The following PHACTR2 variants were observed in gnomAD, a reference collection of about 807,000 sequenced individuals.
The protein encoded by PHACTR2 is chromosome 6 open reading frame 56.
A neutral mutation model predicts 76.0 loss-of-function variants in PHACTR2; 30 were observed. The ratio of observed to expected loss-of-function variants is 0.39; its 90% CI spans 0.30 to 0.54. PHACTR2 has a LOEUF of 0.54. PHACTR2 is among the 20% of genes least tolerant of loss of function. PHACTR2 has a pLI of 0.61. For synonymous variants in PHACTR2, 292 were observed against 292.5 expected (o/e 1.00, Z 0.02); for missense variants, 696 against 781.1 (o/e 0.89, Z 1.30).
chr6:143,727,842 C>T (rs183333969), intron 2 of PHACTR2, among the ~76,000 whole-genome samples: 23 of 152,276 alleles, frequency 1.5e-4, no homozygotes, highest in Non-Finnish European at 2.9e-4. Flanking sequence ...GTACATACCT[C>T]AACATATTAA....
Position 143,772,527 on chromosome 6 carries a change from T to A in PHACTR2, c.1432+70T>A. On this transcript the variant is annotated intron_variant, in intron 7 of 12. Coordinates refer to ENST00000440869, the MANE Select transcript of PHACTR2 (RefSeq NM_001100164.2). This position sits in a 1 kb window ranked among gnomAD's most constrained non-coding sequence, Gnocchi z 5.4. The stretch of plus-strand genomic sequence containing the variant: ...AGAAGCAGCTGCAGTTTATAAAGAA[T>A]AAAAGCCTCATTAGGAACCAGACAT... The A allele has an allele frequency of 8.9e-7, 1 of 1,119,026 alleles. No individual in the cohort carries two copies. Among genetic ancestry groups the A allele is most frequent in the Non-Finnish European group, 1.3e-6 (1 of 756,266 alleles). 69.3% of individuals were successfully genotyped at this position (1,119,026 alleles called of 1,614,324 possible).
At chr6:143,711,068 A>C in intron 1 of PHACTR2, 1 of 517,238 alleles carries the variant, frequency 1.9e-6, no homozygotes, top group Non-Finnish European at 3.9e-6. Context: ...AATGCAAAAA[A>C]TTGTAAATAC....
intron 1 of PHACTR2, among the ~76,000 whole-genome samples, chr6:143,576,671 G>C (rs1775516872): frequency 6.6e-6 from 1 of 152,068 alleles, no homozygotes; most frequent in Non-Finnish European, 1.5e-5. Flanking sequence ...GAGGTCAGGA[G>C]TTCGAGACCA....
intron 1 of PHACTR2, among the ~76,000 whole-genome samples, chr6:143,642,090 A>G (rs533388806): frequency 1.3e-5 from 2 of 152,306 alleles, no homozygotes; most frequent in East Asian, 1.9e-4. Context: ...TGTCCTTTCC[A>G]TTCCACATAC....
At chr6:143,756,929 C>T (rs1779314842) in intron 4 of PHACTR2, among the ~76,000 whole-genome samples, 1 of 151,950 alleles carries the variant, frequency 6.6e-6, no homozygotes, top group Non-Finnish European at 1.5e-5. Flanking sequence ...CACCTGTAAT[C>T]CCAGCTACTG....
chr6:143,788,938 A>C lies in PHACTR2; in HGVS notation c.1845+28A>C, dbSNP rs200107610. On this transcript the variant is annotated intron_variant, in intron 11 of 12. Transcript: ENST00000440869. ...AAGAATCCCAGTGGATTTTGTGTTG[A>C]TTGTATTGCTTTTCTGGAAGCTCCA... is the stretch of plus-strand genomic sequence containing the variant. The C allele has an allele frequency of 1.7e-4, 263 of 1,589,340 alleles. 1 individual carries two copies. The African/African-American group carries it at 3.3e-3, about 20-fold the overall frequency.
rs963595683 is a variant in PHACTR2 at position 143,554,535 on chromosome 6, T to A, written c.217+17328T>A. ...GATGGAAAATTACTAAAAGGAAACGTCAGCGTTAGAGCAGTCTTGCTGAAG... is the reference window on the plus strand; with the variant it reads ...GATGGAAAATTACTAAAAGGAAACGACAGCGTTAGAGCAGTCTTGCTGAAG... On this transcript the variant is annotated intron_variant, in intron 1 of 11. Transcript: ENST00000367584. The surrounding 1 kb of genome is among the most constrained non-coding windows in gnomAD (Gnocchi z 5.9). 2.0e-5 allele frequency: 3 copies of A among 152,176 alleles called. No individual in the cohort carries two copies. The highest frequency in any genetic ancestry group is 2.9e-5 in the Non-Finnish European group (2 of 68,020). The allele number at this position is 152,176 out of a possible 1,614,324, so 9.4% of individuals were successfully genotyped here.
In PHACTR2 at chr6:143,610,736, A is replaced by G. The variant is rs1221696185; in HGVS notation, c.13+2414A>G. On this transcript the variant is annotated intron_variant, in intron 1 of 11. Transcript: ENST00000305766. This position sits in a 1 kb window ranked among gnomAD's most constrained non-coding sequence, Gnocchi z 4.9. ...ATCTGTCCTTTCTCTCCTTAGCAGC[A>G]AAGAGCTGACATTCCTACTATCTCA... Among the ~76,000 whole-genome samples, 1 of 152,186 alleles carries G rather than the reference A, an allele frequency of 6.6e-6. No homozygotes were observed. Among genetic ancestry groups the G allele is most frequent in the East Asian group, 1.9e-4 (1 of 5,194 alleles).
At position 143,777,640 on chromosome 6, in the gene PHACTR2, A is replaced by G. The variant is rs537586647; in HGVS notation, c.1645+257A>G. On this transcript the variant is annotated intron_variant, in intron 9 of 12. Coordinates refer to ENST00000440869, the MANE Select transcript of PHACTR2 (RefSeq NM_001100164.2). This position sits in a 1 kb window ranked among gnomAD's most constrained non-coding sequence, Gnocchi z 4.6. ...TGGTCATGACAATTGTGTTTAAGAA[A>G]GATGAAATATATTCCATGTATTCTT... Among the ~76,000 whole-genome samples, 1 of 152,352 alleles carries G rather than the reference A, an allele frequency of 6.6e-6. No individual in the cohort carries two copies. The highest frequency in any genetic ancestry group is 1.9e-4 in the East Asian group (1 of 5,186).
chr6:143,557,254 T>A lies in PHACTR2; in HGVS notation c.217+20047T>A, dbSNP rs1276880176. The stretch of plus-strand genomic sequence containing the variant: ...AGGATTCTCATCTCTCAACCATATT[T>A]CATCCTCATAACCTTTTGAATCCAG... On this transcript the variant is annotated intron_variant, in intron 1 of 11. Transcript: ENST00000367584. This position sits in a 1 kb window ranked among gnomAD's most constrained non-coding sequence, Gnocchi z 5.5. Among the ~76,000 whole-genome samples the A allele has an allele frequency of 6.6e-6, 1 of 152,236 alleles. No individual in the cohort carries two copies. The highest frequency in any genetic ancestry group is 1.9e-4 in the East Asian group (1 of 5,196).
rs746118119 is a variant in PHACTR2, at chr6:143,553,581, G to T, written c.217+16374G>T. ...ATTTTGACAGTTTTGAGTTTTCTCA[G>T]ACAGGCACTTTAAGGTGAGTTAAGG... On this transcript the variant is annotated intron_variant, in intron 1 of 11. Transcript: ENST00000367584. The surrounding 1 kb of genome is among the most constrained non-coding windows in gnomAD (Gnocchi z 4.2). Among the ~76,000 whole-genome samples, 34 of 152,178 alleles carry T rather than the reference G, an allele frequency of 2.2e-4. No homozygotes were observed. Among genetic ancestry groups the T allele is most frequent in the Non-Finnish European group, 4.3e-4 (29 of 68,036 alleles).
In PHACTR2 at chr6:143,678,023, G is replaced by C. The variant is rs1278769737; in HGVS notation, c.-141G>C. On this transcript the variant is annotated 5_prime_UTR_variant, in exon 1 of 13. Coordinates refer to ENST00000440869, the MANE Select transcript of PHACTR2 (RefSeq NM_001100164.2). The surrounding 1 kb of genome is among the most constrained non-coding windows in gnomAD (Gnocchi z 6.2). Reference sequence around the variant, plus strand: ...GCCGGCCGGGCTGGGAGACCCGCGCGGGGTAGAAGGTGAGGGGACCCGGCG... The same window carrying C: ...GCCGGCCGGGCTGGGAGACCCGCGCCGGGTAGAAGGTGAGGGGACCCGGCG... 2.1e-5 allele frequency: 31 copies of C among 1,488,082 alleles called. 2 individuals are homozygous for C. The South Asian group carries it at 2.6e-4, about 13-fold the overall frequency. The allele number at this position is 1,488,082 out of a possible 1,614,324, so 92.2% of individuals were successfully genotyped here. A position where few individuals can be genotyped will look rare whatever the true frequency, so the allele number is the denominator to read the frequency against.
intron 1 of PHACTR2, among the ~76,000 whole-genome samples, chr6:143,642,806 G>A (rs1238881116): frequency 6.6e-6 from 1 of 152,186 alleles, no homozygotes; most frequent in African/African-American, 2.4e-5. Context: ...AGAGGGACAT[G>A]GAACAGATTC....
rs1582867635 is a variant in PHACTR2 at position 143,774,324 on chromosome 6, GGCC to G, written c.1589+110_1589+112del. The G allele has an allele frequency of 8.0e-6, 6 of 753,206 alleles. No individual in the cohort carries two copies. In the East Asian group the frequency reaches 1.7e-4, roughly 22 times the overall value. The allele number at this position is 753,206 out of a possible 1,614,324, so 46.7% of individuals were successfully genotyped here. ...GAATTCCTTATGTACAGATACATCTGGCCTACTGGGTCTTTTAAAGTTGGTCTT... is the reference window on the plus strand; with the variant it reads ...GAATTCCTTATGTACAGATACATCTGTACTGGGTCTTTTAAAGTTGGTCTT... On this transcript the variant is annotated intron_variant, in intron 8 of 12. Coordinates refer to ENST00000440869, the MANE Select transcript of PHACTR2 (RefSeq NM_001100164.2). This position sits in a 1 kb window ranked among gnomAD's most constrained non-coding sequence, Gnocchi z 5.4.
In PHACTR2 at chr6:143,712,867, G is replaced by T. The variant is rs138955649; in HGVS notation, c.214+684G>T. Among the ~76,000 whole-genome samples the T allele has an allele frequency of 3.4e-3, 517 of 152,284 alleles. 4 individuals are homozygous for T. The highest frequency in any genetic ancestry group is 0.012 in the African/African-American group (498 of 41,566). On this transcript the variant is annotated intron_variant, in intron 2 of 12. Transcript: ENST00000440869. The stretch of plus-strand genomic sequence containing the variant: ...TTTGTAGATTTGTGAAACCTTAAAA[G>T]TTACATTGCTTAGTGCCTTTCATAT...
rs59403359 is a variant in PHACTR2 at position 143,755,699 on chromosome 6, A to AC, written c.454+1787_454+1788insC. 0.033 allele frequency among the ~76,000 whole-genome samples: 4,963 copies of AC among 152,196 alleles called. 277 individuals are homozygous for AC. The highest frequency in any genetic ancestry group is 0.11 in the African/African-American group (4,651 of 41,496). On this transcript the variant is annotated intron_variant, in intron 4 of 12. Transcript: ENST00000440869. This position sits in a 1 kb window ranked among gnomAD's most constrained non-coding sequence, Gnocchi z 5.2. ...GCTGGATGCTGACATACCACTAAAG[A>AC]GGCAGTGCGGCTGTCTCCTGTGTGG...
chr6:143,815,522 A>G (rs1281801759), intron 12 of PHACTR2, among the ~76,000 whole-genome samples: 1 of 152,236 alleles, frequency 6.6e-6, no homozygotes, highest in East Asian at 1.9e-4. Flanking sequence ...GGAGTTTTAT[A>G]TCTATCAAGT....
At chr6:143,786,528 CA>C (rs1407001540) in intron 10 of PHACTR2, among the ~76,000 whole-genome samples, 1 of 152,136 alleles carries the variant, frequency 6.6e-6, no homozygotes, top group Non-Finnish European at 1.5e-5. Context: ...GGTATCTTTT[CA>C]GGAACACCCC....
intron 1 of PHACTR2, 46 bp from the exon 2 acceptor site, chr6:143,711,970 C>A: frequency 6.4e-7 from 1 of 1,565,482 alleles, no homozygotes; most frequent in Non-Finnish European, 8.8e-7. Flanking sequence ...GGTTTTATTA[C>A]AACCTTTTTT....
Sources: gnomAD v4.1 joint callset for allele counts (sites outside exome capture counted in the v4.1 genomes callset) on GRCh38, gnomAD v4.1.1 for gene constraint, Gnocchi (gnomAD v3.1) non-coding constraint, MANE v1.5 for transcripts, NCBI Gene and HGNC (gene_info 2026-07-23, HGNC 2026-07-21) for gene names.